Variants in SLC6A11 observed in about 807,000 individuals in gnomAD.
The protein encoded by SLC6A11 is sodium- and chloride-dependent GABA transporter 3.
In SLC6A11, 25 loss-of-function variants were observed where a neutral mutation model predicts 74.8. That is an observed-to-expected ratio of 0.33 (90% confidence interval 0.24 to 0.47). The LOEUF is 0.47. SLC6A11 is among the 20% of genes least tolerant of loss of function. SLC6A11 has a pLI of 1.00. For missense variants in SLC6A11, 574 were observed against 837.0 expected, an observed-to-expected ratio of 0.69 and a Z score of 3.88; for synonymous variants, 330 against 330.2, an observed-to-expected ratio of 1.00 and a Z score of 0.01.
chr3:10,818,127 AT>A (rs1443740781), intron 1 of SLC6A11, among the ~76,000 whole-genome samples: 5 of 138,850 alleles, frequency 3.6e-5, no homozygotes, highest in East Asian at 2.1e-4. Flanking sequence ...TAAATGAGTC[AT>A]TTTTTTTTTC....
In SLC6A11 at chr3:10,926,080, C is replaced by T; in HGVS notation, c.1197C>T (p.Phe399=). The T allele has an allele frequency of 4.3e-6, 7 of 1,613,458 alleles. No individual in the cohort carries two copies. The highest frequency in any genetic ancestry group is 5.9e-6 in the Non-Finnish European group (7 of 1,179,490). The change falls in exon 9 of 14, where the codon TTC becomes TTT. Residue 399 remains phenylalanine (F), a synonymous_variant. Transcript: ENST00000254488. This position sits in a 1 kb window ranked among gnomAD's most constrained non-coding sequence, Gnocchi z 5.7. ...MPLSPLWATL[F]FMMLIFLGLD... is the part of the protein sequence containing the mutation. The stretch of plus-strand genomic sequence containing the variant: ...TCTCCCCGCTGTGGGCCACCTTGTT[C>T]TTCATGATGCTCATCTTCCTGGGCC...
At chr3:10,937,151 C>T (rs1175660427) in intron 13 of SLC6A11, among the ~76,000 whole-genome samples, 4 of 152,234 alleles carry the variant, frequency 2.6e-5, no homozygotes, top group African/African-American at 9.6e-5. Flanking sequence ...ACATGGTGGC[C>T]GCTCAACTAA....
At chr3:10,873,548 T>TCCTATGGCATCCTATCCTATCCTAC (rs1553671160) in intron 5 of SLC6A11, among the ~76,000 whole-genome samples, 1 of 139,268 alleles carries the variant, frequency 7.2e-6, no homozygotes, top group African/African-American at 2.8e-5. Context: ...TCCTATCCTA[T>TCCTATGGCATCCTATCCTATCCTAC]CCTACCCTAC....
intron 5 of SLC6A11, among the ~76,000 whole-genome samples, chr3:10,852,680 G>A (rs929868164): frequency 4.6e-5 from 7 of 152,328 alleles, no homozygotes; most frequent in African/African-American, 1.2e-4. Context: ...CCTGTGCAGC[G>A]CTGTCCCCGT....
chr3:10,848,768 G>A (rs1261065447), intron 5 of SLC6A11, among the ~76,000 whole-genome samples: 2 of 152,104 alleles, frequency 1.3e-5, no homozygotes, highest in Non-Finnish European at 2.9e-5. Flanking sequence ...TACAACTTGG[G>A]GATTCTCATG....
At chr3:10,840,919 T>A (rs1311362254) in intron 4 of SLC6A11, among the ~76,000 whole-genome samples, 1 of 152,152 alleles carries the variant, frequency 6.6e-6, no homozygotes, top group Non-Finnish European at 1.5e-5. Context: ...AAGGTAGGTA[T>A]CATTATTCCC....
intron 6 of SLC6A11, among the ~76,000 whole-genome samples, chr3:10,908,873 T>G (rs1213721819): frequency 1.3e-5 from 2 of 152,122 alleles, no homozygotes; most frequent in African/African-American, 4.8e-5. Flanking sequence ...TAGCTTGAGT[T>G]TGAAGTGAAA....
rs573914835 is a variant in SLC6A11, at chr3:10,876,416, C to T, written c.891+1321C>T. ...AGAACATATTCTACAAACCACTGAT[C>T]GGTGTGTTTTTATGAGGTCCATGCA... On this transcript the variant is annotated intron_variant, in intron 6 of 13. Coordinates refer to ENST00000254488, the MANE Select transcript of SLC6A11 (RefSeq NM_014229.3). Among the ~76,000 whole-genome samples the T allele has an allele frequency of 5.3e-5, 8 of 152,260 alleles. 1 individual carries two copies. The highest frequency in any genetic ancestry group is 1.4e-4 in the African/African-American group (6 of 41,554).
chr3:10,855,885 C>T (rs1694633428), intron 5 of SLC6A11, among the ~76,000 whole-genome samples: 1 of 152,220 alleles, frequency 6.6e-6, no homozygotes, highest in South Asian at 2.1e-4. Flanking sequence ...CCTCTTTCCT[C>T]TCTTCGGTTT....
chr3:10,909,655 G>A (rs1242123096), intron 6 of SLC6A11, among the ~76,000 whole-genome samples: 1 of 152,186 alleles, frequency 6.6e-6, no homozygotes, highest in East Asian at 1.9e-4. Context: ...TGGAGGCCCA[G>A]TGTCTGGTCA....
chr3:10,873,034 G>A (rs1694845000), intron 5 of SLC6A11, among the ~76,000 whole-genome samples: 1 of 152,122 alleles, frequency 6.6e-6, no homozygotes. Context: ...TGACAAAAGA[G>A]AAAAGTCAGA....
At chr3:10,826,693 G>A (rs1430348812) in intron 4 of SLC6A11, among the ~76,000 whole-genome samples, 2 of 152,204 alleles carry the variant, frequency 1.3e-5, no homozygotes, top group Non-Finnish European at 2.9e-5. Context: ...GATGAAGAAG[G>A]CAGACAGGCA....
intron 5 of SLC6A11, among the ~76,000 whole-genome samples, chr3:10,871,156 T>A (rs7619622): frequency 0.27 from 40,686 of 152,036 alleles, 7,257 homozygotes; most frequent in African/African-American, 0.49. Context: ...GCCTGGGAAC[T>A]GTGAGGCTAC....
At chr3:10,912,745 A>G (rs2581205) in intron 7 of SLC6A11, among the ~76,000 whole-genome samples, 56,669 of 151,902 alleles carry the variant, frequency 0.37, 11,267 homozygotes, top group Admixed American at 0.52. Flanking sequence ...GGCCTCTCAC[A>G]CGTGCAGCTT....
rs754098162 is a variant in SLC6A11 at position 10,926,089 on chromosome 3, G to T, written c.1206G>T (p.Met402Ile). 6.2e-7 allele frequency: 1 copy of T among 1,613,152 alleles called. No individual in the cohort carries two copies. The highest frequency in any genetic ancestry group is 8.5e-7 in the Non-Finnish European group (1 of 1,179,250). Residue 402 changes from methionine (M) to isoleucine (I), a missense_variant, in exon 9 of 14, where the codon ATG becomes ATT. This residue lies in a region of SLC6A11 where 257 missense variants were observed against 341.5 expected (regional missense o/e 0.75). Coordinates refer to ENST00000254488, the MANE Select transcript of SLC6A11 (RefSeq NM_014229.3). This position sits in a 1 kb window ranked among gnomAD's most constrained non-coding sequence, Gnocchi z 5.7. ...TGTGGGCCACCTTGTTCTTCATGAT[G>T]CTCATCTTCCTGGGCCTGGACAGCC... is the stretch of plus-strand genomic sequence containing the variant. ...SPLWATLFFM[M>I]LIFLGLDSQF...
At chr3:10,936,204 T>A (rs1275363208) in intron 13 of SLC6A11, among the ~76,000 whole-genome samples, 2 of 152,194 alleles carry the variant, frequency 1.3e-5, no homozygotes, top group African/African-American at 2.4e-5. Context: ...CGCATAGCAA[T>A]CCTAGGGGGG....
At chr3:10,825,906 A>G (rs1440506868) in intron 4 of SLC6A11, among the ~76,000 whole-genome samples, 1 of 152,170 alleles carries the variant, frequency 6.6e-6, no homozygotes, top group East Asian at 1.9e-4. Context: ...CTGTGCCCAT[A>G]CCACACCTAT....
chr3:10,887,154 G>A (rs934547505), intron 6 of SLC6A11, among the ~76,000 whole-genome samples: 1 of 151,690 alleles, frequency 6.6e-6, no homozygotes, highest in African/African-American at 2.4e-5. Context: ...ATAGATGGAT[G>A]CATGAATGGG....
At chr3:10,903,586 C>G (rs965102163) in intron 6 of SLC6A11, among the ~76,000 whole-genome samples, 1 of 152,304 alleles carries the variant, frequency 6.6e-6, no homozygotes, top group South Asian at 2.1e-4. Context: ...GTGCCTGGCA[C>G]ATGGTAGACA....
Sources: allele counts gnomAD v4.1 joint callset (sites outside exome capture counted in the v4.1 genomes callset), GRCh38; gene constraint gnomAD v4.1.1; regional missense constraint gnomAD v4.1.1; non-coding constraint Gnocchi (gnomAD v3.1); transcripts MANE v1.5; gene names NCBI Gene and HGNC (gene_info 2026-07-23, HGNC 2026-07-21).